PDE4B: variants seen among roughly 807,000 people sequenced by gnomAD.
The protein encoded by PDE4B is phosphodiesterase 4B, also known as 3',5'-cyclic-AMP phosphodiesterase 4B.
A neutral mutation model predicts 82.2 loss-of-function variants in PDE4B; 20 were observed. That is an observed-to-expected ratio of 0.24 (90% CI 0.17 to 0.35). The LOEUF is 0.35. Among genes scored for constraint, PDE4B ranks in the 10% least tolerant of loss-of-function variants. PDE4B has a pLI of 1.00. For synonymous variants in PDE4B, 320 were observed against 318.9 expected (o/e 1.00, Z -0.04); for missense variants, 655 against 907.2 (o/e 0.72, Z 3.57).
Position 66,346,832 on chromosome 1 carries a change from TG to T in PDE4B, c.748-8694del, listed in dbSNP as rs143204191. ...AAAACCTAGCTTCAAGTACAAATCC[TG>T]TGGAAGAAAGAGCACACACTTGGTC... On this transcript the variant is annotated intron_variant, in intron 8 of 16. Transcript: ENST00000341517. Among the ~76,000 whole-genome samples the T allele has an allele frequency of 6.4e-3, 976 of 152,292 alleles. 14 individuals are homozygous for T. Among genetic ancestry groups the T allele is most frequent in the African/African-American group, 0.022 (927 of 41,560 alleles).
In PDE4B at chr1:65,849,121, T is replaced by G. The variant is rs368390965; in HGVS notation, c.-71+55873T>G. On this transcript the variant is annotated intron_variant, in intron 1 of 16. Coordinates refer to ENST00000341517, the MANE Select transcript of PDE4B (RefSeq NM_002600.4). ...AACCACTCTATTTGAGAGGGCATGC[T>G]CATGGCTCAATAGATAGTGGGGTAT... Among the ~76,000 whole-genome samples the G allele has an allele frequency of 2.9e-4, 44 of 152,284 alleles. 1 individual carries two copies. The East Asian group carries it at 8.5e-3, about 29-fold the overall frequency.
intron 4 of PDE4B, among the ~76,000 whole-genome samples, chr1:66,252,845 A>G (rs1653896437): frequency 6.6e-6 from 1 of 152,214 alleles, no homozygotes; most frequent in Non-Finnish European, 1.5e-5. Context: ...AGGCTGAGAT[A>G]GCAGGATCAC....
intron 3 of PDE4B, among the ~76,000 whole-genome samples, chr1:66,127,858 A>G (rs879514961): frequency 5.3e-5 from 8 of 152,264 alleles, no homozygotes; most frequent in Non-Finnish European, 1.0e-4. Flanking sequence ...TATTACTCCA[A>G]TTATGTCTTT....
intron 3 of PDE4B, among the ~76,000 whole-genome samples, chr1:66,136,461 G>A (rs531083768): frequency 2.7e-4 from 41 of 152,188 alleles, no homozygotes; most frequent in African/African-American, 8.9e-4. Context: ...CCAGTACTTT[G>A]TACTTTGGGA....
intron 3 of PDE4B, among the ~76,000 whole-genome samples, chr1:66,134,742 A>G (rs1296941243): frequency 6.6e-6 from 1 of 152,260 alleles, no homozygotes; most frequent in Non-Finnish European, 1.5e-5. Flanking sequence ...TTTGTAAAAT[A>G]CTGTTTTATA....
chr1:65,927,617 T>C (rs1262674145), intron 3 of PDE4B, among the ~76,000 whole-genome samples: 1 of 151,770 alleles, frequency 6.6e-6, no homozygotes, highest in Non-Finnish European at 1.5e-5. Context: ...TTCTCCAAGA[T>C]CCATCTGTCT....
intron 9 of PDE4B, 31 bp downstream of exon 9, chr1:66,355,651 A>C: frequency 7.7e-7 from 1 of 1,306,560 alleles, no homozygotes; most frequent in Non-Finnish European, 1.1e-6. Flanking sequence ...AACCTGTTTT[A>C]TAACTGGGGT....
intron 3 of PDE4B, among the ~76,000 whole-genome samples, chr1:66,120,018 A>C (rs1645677915): frequency 6.6e-6 from 1 of 152,158 alleles, no homozygotes; most frequent in Non-Finnish European, 1.5e-5. Flanking sequence ...TGACACCTTG[A>C]TTTCAGACTT....
In PDE4B at chr1:65,795,553, CT is replaced by C. The variant is rs146669811; in HGVS notation, c.-71+2307del. On this transcript the variant is annotated intron_variant, in intron 1 of 16. Transcript: ENST00000341517. The stretch of plus-strand genomic sequence containing the variant: ...TCTGGGAGTGTGGTCAACAGATGGC[CT>C]TCAATAGTCAGACTCTTCAGGGATT... 3.0e-3 allele frequency among the ~76,000 whole-genome samples: 452 copies of C among 152,342 alleles called. 19 individuals are homozygous for C. The East Asian group carries it at 0.074, about 25-fold the overall frequency.
intron 1 of PDE4B, among the ~76,000 whole-genome samples, chr1:65,833,790 A>G (rs538958800): frequency 6.6e-6 from 1 of 152,330 alleles, no homozygotes; most frequent in South Asian, 2.1e-4. Context: ...AAATTTTCAG[A>G]AATTTTTTGA....
intron 3 of PDE4B, among the ~76,000 whole-genome samples, chr1:65,979,743 T>C (rs1228772183): frequency 6.6e-6 from 1 of 152,196 alleles, no homozygotes; most frequent in Non-Finnish European, 1.5e-5. Context: ...TCTTTATTGA[T>C]TAAGCAGGCA....
intron 6 of PDE4B, among the ~76,000 whole-genome samples, chr1:66,263,601 C>T (rs1311172193): frequency 6.6e-6 from 1 of 152,144 alleles, no homozygotes; most frequent in African/African-American, 2.4e-5. Flanking sequence ...AGAACTGGAT[C>T]CTGCCATCAA....
chr1:66,278,431 C>T (rs1204278743), intron 7 of PDE4B, among the ~76,000 whole-genome samples: 2 of 152,210 alleles, frequency 1.3e-5, no homozygotes, highest in Admixed American at 1.3e-4. Context: ...AAACTGGGCT[C>T]ATGAAAGAGC....
chr1:65,887,004 A>T (rs1165945206), intron 1 of PDE4B, among the ~76,000 whole-genome samples: 1 of 152,204 alleles, frequency 6.6e-6, no homozygotes, highest in Non-Finnish European at 1.5e-5. Flanking sequence ...GTAAGAGTTC[A>T]CTTTTCTTCA....
intron 7 of PDE4B, among the ~76,000 whole-genome samples, chr1:66,269,557 G>A (rs1011477083): frequency 6.6e-6 from 1 of 152,188 alleles, no homozygotes; most frequent in African/African-American, 2.4e-5. Context: ...GCAGGAACTC[G>A]AATTCTGTCA....
intron 3 of PDE4B, among the ~76,000 whole-genome samples, chr1:66,165,927 T>TA (rs968435208): frequency 6.8e-6 from 1 of 146,624 alleles, no homozygotes; most frequent in African/African-American, 2.5e-5. Context: ...AAGGGACCTA[T>TA]AAAAAACAAA....
rs78239144 is a variant in PDE4B, at chr1:66,314,333, C to T, written c.635-18175C>T. ...ACCCCTATTCAAGAACCTACAATAGCTCCATGCATTCCTGCATCAAATCCA... is the reference window on the plus strand; with the variant it reads ...ACCCCTATTCAAGAACCTACAATAGTTCCATGCATTCCTGCATCAAATCCA... On this transcript the variant is annotated intron_variant, in intron 7 of 16. Transcript: ENST00000341517. 2.9e-3 allele frequency among the ~76,000 whole-genome samples: 447 copies of T among 152,300 alleles called. 20 individuals are homozygous for T. In the East Asian group the frequency reaches 0.072, roughly 24 times the overall value.
At chr1:65,866,162 C>T (rs1011751184) in intron 1 of PDE4B, among the ~76,000 whole-genome samples, 1 of 152,094 alleles carries the variant, frequency 6.6e-6, no homozygotes, top group African/African-American at 2.4e-5. Context: ...GCCTCTAAAA[C>T]TCCAACTTTT....
chr1:66,356,000 C>T (rs1487603867), intron 9 of PDE4B, among the ~76,000 whole-genome samples: 1 of 152,136 alleles, frequency 6.6e-6, no homozygotes, highest in African/African-American at 2.4e-5. Flanking sequence ...CCTTTCACTT[C>T]CTCCAATAAC....
Sources: allele counts gnomAD v4.1 joint callset (sites outside exome capture counted in the v4.1 genomes callset), GRCh38; gene constraint gnomAD v4.1.1; transcripts MANE v1.5; gene names NCBI Gene and HGNC (gene_info 2026-07-23, HGNC 2026-07-21).